The following AFTPH variants were observed in gnomAD, a reference collection of about 807,000 sequenced individuals.
The protein encoded by AFTPH is aftiphilin protein.
Under a neutral mutation model 72.5 loss-of-function variants are expected in AFTPH, and 7 were observed. The ratio of observed to expected loss-of-function variants is 0.10; its 90% CI spans 0.05 to 0.18. The LOEUF is 0.18. Ranked by LOEUF, AFTPH falls within the 10% of genes least tolerant of loss-of-function variation. The probability of loss-of-function intolerance (pLI) is 1.00; values close to 1 mark genes in which losing one functional copy is unlikely to be tolerated. For missense variants in AFTPH, 979 were observed against 1,060.5 expected (o/e 0.92, Z 1.07); for synonymous variants, 337 against 370.1 (o/e 0.91, Z 1.03).
intron 8 of AFTPH, among the ~76,000 whole-genome samples, chr2:64,591,371 C>T (rs1453411995): frequency 6.6e-6 from 1 of 152,220 alleles, no homozygotes. Flanking sequence ...ACTGGGTCTT[C>T]TGAGCTGAGA....
At chr2:64,530,045 A>G (rs1379780249) in intron 1 of AFTPH, among the ~76,000 whole-genome samples, 1 of 152,178 alleles carries the variant, frequency 6.6e-6, no homozygotes, top group Middle Eastern at 3.4e-3. Flanking sequence ...AATCCTGGCT[A>G]CTGAGGAGAC....
intron 6 of AFTPH, among the ~76,000 whole-genome samples, chr2:64,575,962 C>A (rs976958889): frequency 6.6e-6 from 1 of 151,676 alleles, no homozygotes; most frequent in African/African-American, 2.4e-5. Flanking sequence ...TGGTCTCCAA[C>A]TCCTGACCTC....
intron 6 of AFTPH, among the ~76,000 whole-genome samples, chr2:64,574,381 C>T (rs896680210): frequency 6.6e-6 from 1 of 151,948 alleles, no homozygotes; most frequent in Middle Eastern, 3.4e-3. Context: ...CCATAACCAC[C>T]CTTAGAGATC....
At chr2:64,589,401 A>G (rs1234782719) in intron 8 of AFTPH, among the ~76,000 whole-genome samples, 1 of 152,226 alleles carries the variant, frequency 6.6e-6, no homozygotes, top group Non-Finnish European at 1.5e-5. Context: ...ATTATATTCC[A>G]TTGATAAAAA....
At chr2:64,541,155 A>C (rs977503871) in intron 1 of AFTPH, among the ~76,000 whole-genome samples, 1 of 152,156 alleles carries the variant, frequency 6.6e-6, no homozygotes, top group African/African-American at 2.4e-5. Context: ...TGAGGAGATA[A>C]TTGAGATAAC....
intron 1 of AFTPH, among the ~76,000 whole-genome samples, chr2:64,536,095 G>A (rs1161978081): frequency 6.6e-6 from 1 of 152,196 alleles, no homozygotes; most frequent in Non-Finnish European, 1.5e-5. Flanking sequence ...CACCTTTTGA[G>A]TAGAGGTTGA....
At chr2:64,544,575 TTATC>T (rs1670450923) in intron 1 of AFTPH, among the ~76,000 whole-genome samples, 1 of 151,514 alleles carries the variant, frequency 6.6e-6, no homozygotes, top group South Asian at 2.1e-4. Flanking sequence ...CTAAAGTAGC[TTATC>T]TATCCTTTTT....
At chr2:64,561,969 G>A (rs948571015) in intron 2 of AFTPH, among the ~76,000 whole-genome samples, 1 of 152,106 alleles carries the variant, frequency 6.6e-6, no homozygotes, top group Non-Finnish European at 1.5e-5. Flanking sequence ...CACAAAATGT[G>A]GGGAAAAACA....
At chr2:64,589,952 G>C (rs1349064274) in intron 8 of AFTPH, among the ~76,000 whole-genome samples, 4 of 150,040 alleles carry the variant, frequency 2.7e-5, no homozygotes, top group Non-Finnish European at 5.9e-5. Flanking sequence ...TATGGGGGGG[G>C]GGGGGGGGTT....
intron 1 of AFTPH, among the ~76,000 whole-genome samples, chr2:64,526,671 C>A (rs1453433158): frequency 1.3e-5 from 2 of 152,160 alleles, no homozygotes; most frequent in Non-Finnish European, 2.9e-5. Flanking sequence ...TTACATATCT[C>A]ATTTTGCTAA....
intron 1 of AFTPH, among the ~76,000 whole-genome samples, chr2:64,548,924 T>G (rs1394264514): frequency 7.9e-5 from 12 of 152,338 alleles, no homozygotes; most frequent in Admixed American, 5.9e-4. Context: ...CAATGGAGCC[T>G]TTTCCTTTTC....
chr2:64,524,464 T>C (rs1014177261), exon 1 of AFTPH: 8 of 401,798 alleles, frequency 2.0e-5, no homozygotes, highest in African/African-American at 1.4e-4. Context: ...CGGGTGGGCG[T>C]CCATGGTGCT....
chr2:64,531,886 CTTTTTA>C (rs1288067033), intron 1 of AFTPH, among the ~76,000 whole-genome samples: 1 of 152,070 alleles, frequency 6.6e-6, no homozygotes, highest in African/African-American at 2.4e-5. Context: ...AGAAATGACA[CTTTTTA>C]TTTAGAGAAA....
chr2:64,565,462 G>A (rs1042865605), intron 2 of AFTPH, among the ~76,000 whole-genome samples: 8 of 134,532 alleles, frequency 5.9e-5, no homozygotes, highest in South Asian at 2.5e-4. Context: ...GTGACAGAGC[G>A]AGACTCTATC....
At chr2:64,566,150 G>A (rs1244806147) in intron 2 of AFTPH, among the ~76,000 whole-genome samples, 2 of 152,134 alleles carry the variant, frequency 1.3e-5, no homozygotes, top group African/African-American at 4.8e-5. Flanking sequence ...AATAATGTCT[G>A]TCCGTTCTCT....
intron 6 of AFTPH, among the ~76,000 whole-genome samples, chr2:64,574,762 A>G (rs1672661806): frequency 1.3e-5 from 2 of 152,222 alleles, no homozygotes; most frequent in Non-Finnish European, 2.9e-5. Flanking sequence ...TGGCTTGGGC[A>G]GAATGTCTCC....
intron 2 of AFTPH, among the ~76,000 whole-genome samples, chr2:64,557,328 G>A (rs1250574544): frequency 3.3e-5 from 5 of 152,122 alleles, no homozygotes; most frequent in Non-Finnish European, 7.4e-5. Context: ...AGAAAAGGAG[G>A]CTATGAGTTA....
At chr2:64,543,432 T>G (rs960452214) in intron 1 of AFTPH, among the ~76,000 whole-genome samples, 2 of 152,236 alleles carry the variant, frequency 1.3e-5, no homozygotes, top group African/African-American at 4.8e-5. Flanking sequence ...TGTTTCTTGT[T>G]TAAAACATTT....
At chr2:64,580,468 A>C (rs1169563512) in intron 7 of AFTPH, 1 of 151,956 alleles carries the variant, frequency 6.6e-6, no homozygotes, top group Non-Finnish European at 1.5e-5. Flanking sequence ...GTCAAATCAG[A>C]TATCTGGAAA....
Sources: gnomAD v4.1 joint callset for allele counts (sites outside exome capture counted in the v4.1 genomes callset) on GRCh38, gnomAD v4.1.1 for gene constraint, MANE v1.5 for transcripts, NCBI Gene and HGNC (gene_info 2026-07-23, HGNC 2026-07-21) for gene names.